RAB11FIP5: variants seen among roughly 807,000 people sequenced by gnomAD.
RAB11FIP5 encodes the protein RAB11 family interacting protein 5, also known as rab11 family-interacting protein 5.
A neutral mutation model predicts 85.1 loss-of-function variants in RAB11FIP5; 48 were observed. The ratio of observed to expected loss-of-function variants is 0.56; its 90% CI spans 0.45 to 0.72. The LOEUF (loss-of-function observed/expected upper bound fraction) is 0.72, where lower values mean the gene tolerates loss of function less well. Among genes scored for constraint, RAB11FIP5 ranks in the 30% least tolerant of loss-of-function variants. The pLI is 0.00. For synonymous variants in RAB11FIP5, 729 were observed against 727.3 expected (o/e 1.00, Z -0.04); for missense variants, 1,491 against 1,687.0 (o/e 0.88, Z 2.04).
intron 1 of RAB11FIP5, among the ~76,000 whole-genome samples, chr2:73,109,267 C>T (rs1684596490): frequency 6.6e-6 from 1 of 152,142 alleles, no homozygotes; most frequent in African/African-American, 2.4e-5. Flanking sequence ...TCAAAGACTG[C>T]CCCACTCACA....
rs551784219 is a variant in RAB11FIP5, at chr2:73,105,746, G to A, written c.431+6601C>T. On this transcript the variant is annotated intron_variant, in intron 1 of 5. Transcript: ENST00000486777. ...CCCGAGATCCATGTCAAGGAGAAGA[G>A]AGGAAGCCTTGGCAGGCAGCAGCTG... Among the ~76,000 whole-genome samples, 54 of 152,162 alleles carry A rather than the reference G, an allele frequency of 3.5e-4. 1 individual carries two copies. The South Asian group carries it at 0.011, about 32-fold the overall frequency.
rs1683821951 is a variant in RAB11FIP5 at position 73,074,859 on chromosome 2, AGG to A, written c.*660_*661del. ...CACTCGTGGAAAGGTCAGAGGGGTC[AGG>A]GAGCAGCCTGAAGCACACACATCAT... is the stretch of plus-strand genomic sequence containing the variant. On this transcript the variant is annotated 3_prime_UTR_variant, in exon 6 of 6. Coordinates refer to ENST00000486777, the MANE Select transcript of RAB11FIP5 (RefSeq NM_001371272.1). The A allele has an allele frequency of 3.8e-6, 1 of 265,034 alleles. No individual in the cohort carries two copies. Among genetic ancestry groups the A allele is most frequent in the Non-Finnish European group, 7.5e-6 (1 of 133,866 alleles). The allele number at this position is 265,034 out of a possible 1,614,324, so 16.4% of individuals were successfully genotyped here. A position where few individuals can be genotyped will look rare whatever the true frequency, so the allele number is the denominator to read the frequency against.
At chr2:73,109,733 A>C (rs558860088) in intron 1 of RAB11FIP5, among the ~76,000 whole-genome samples, 6 of 152,122 alleles carry the variant, frequency 3.9e-5, no homozygotes, top group African/African-American at 1.4e-4. Flanking sequence ...GGGCCAGCTC[A>C]TTTTGTTGGG....
intron 3 of RAB11FIP5, among the ~76,000 whole-genome samples, chr2:73,087,665 A>C (rs909877584): frequency 4.7e-4 from 71 of 152,186 alleles, no homozygotes; most frequent in Admixed American, 4.6e-3. Flanking sequence ...TCCAGTCCTC[A>C]TCTCTCTACC....
chr2:73,104,852 C>A (rs1684493513), intron 1 of RAB11FIP5, among the ~76,000 whole-genome samples: 1 of 152,160 alleles, frequency 6.6e-6, no homozygotes, highest in African/African-American at 2.4e-5. Context: ...TTATATGCTG[C>A]TTTGTAGAGG....
At chr2:73,088,799 C>T in intron 2 of RAB11FIP5, 50 bp from the exon 3 acceptor site, 2 of 1,538,320 alleles carry the variant, frequency 1.3e-6, no homozygotes, top group Non-Finnish European at 8.7e-7. Flanking sequence ...GGCCCCATTT[C>T]CTGGCCCCAG....
intron 1 of RAB11FIP5, among the ~76,000 whole-genome samples, chr2:73,090,558 T>C (rs1004087531): frequency 1.3e-5 from 2 of 152,230 alleles, no homozygotes; most frequent in African/African-American, 2.4e-5. Context: ...AATGGAATAC[T>C]ACTTAATGAT....
rs1425618768 is a variant in RAB11FIP5 at position 73,081,737 on chromosome 2, A to G, written c.1569-74T>C. ...GAAAGGCCCCTGAGTCCCACGCCCC[A>G]CCCCCTGCTTCGGGACCAGGGGCCA... On this transcript the variant is annotated intron_variant, in intron 3 of 5. Coordinates refer to ENST00000486777, the MANE Select transcript of RAB11FIP5 (RefSeq NM_001371272.1). This position sits in a 1 kb window ranked among gnomAD's most constrained non-coding sequence, Gnocchi z 4.2. 8.4e-7 allele frequency: 1 copy of G among 1,191,134 alleles called. No homozygotes were observed. The highest frequency in any genetic ancestry group is 1.1e-6 in the Non-Finnish European group (1 of 951,310). 73.8% of individuals were successfully genotyped at this position (1,191,134 alleles called of 1,614,324 possible).
Position 73,081,775 on chromosome 2 carries a change from A to G in RAB11FIP5, c.1569-112T>C, listed in dbSNP as rs1020111525. ...GGACCAGGGGCCATAACACACACAT[A>G]GGCTGGATTTACCTACTTGGGCCAG... is the stretch of plus-strand genomic sequence containing the variant. On this transcript the variant is annotated intron_variant, in intron 3 of 5. Transcript: ENST00000486777. The surrounding 1 kb of genome is among the most constrained non-coding windows in gnomAD (Gnocchi z 4.2). 26 of 1,040,296 alleles carry G rather than the reference A, an allele frequency of 2.5e-5. 1 individual carries two copies. Among genetic ancestry groups the G allele is most frequent in the Non-Finnish European group, 3.2e-5 (26 of 814,080 alleles). 64.4% of individuals were successfully genotyped at this position (1,040,296 alleles called of 1,614,324 possible).
chr2:73,107,184 C>T (rs1684544958), intron 1 of RAB11FIP5, among the ~76,000 whole-genome samples: 1 of 152,168 alleles, frequency 6.6e-6, no homozygotes, highest in Admixed American at 6.5e-5. Context: ...TGGGGAAGAA[C>T]AAAACTGCTT....
Position 73,088,463 on chromosome 2 carries a change from G to A in RAB11FIP5, c.1155C>T (p.Asp385=), listed in dbSNP as rs1274947386. 6.2e-7 allele frequency: 1 copy of A among 1,613,968 alleles called. No homozygotes were observed. The highest frequency in any genetic ancestry group is 8.5e-7 in the Non-Finnish European group (1 of 1,180,052). ...FSEEGPRSTD[D]TWPRGSRSNS... ...TGCTACGACTGCCTCTGGGCCAGGT[G>A]TCATCTGTGGAACGAGGCCCCTCCT... The change falls in exon 3 of 6, where the codon GAC becomes GAT. Residue 385 remains aspartate, a synonymous_variant. Coordinates refer to ENST00000486777, the MANE Select transcript of RAB11FIP5 (RefSeq NM_001371272.1).
intron 1 of RAB11FIP5, among the ~76,000 whole-genome samples, chr2:73,105,646 C>G (rs1199529751): frequency 6.6e-6 from 1 of 151,968 alleles, no homozygotes; most frequent in African/African-American, 2.4e-5. Flanking sequence ...AGCTGCAGAC[C>G]AAATGTGCTT....
intron 1 of RAB11FIP5, among the ~76,000 whole-genome samples, chr2:73,111,668 C>A (rs1487598906): frequency 6.6e-6 from 1 of 152,226 alleles, no homozygotes; most frequent in African/African-American, 2.4e-5. Context: ...CAGGGCAGGG[C>A]AGGCAGGCAG....
intron 1 of RAB11FIP5, among the ~76,000 whole-genome samples, chr2:73,101,621 G>A (rs909335550): frequency 1.3e-5 from 2 of 152,134 alleles, no homozygotes; most frequent in East Asian, 1.9e-4. Context: ...AGGTCAGAGC[G>A]TGTCTTGGGC....
chr2:73,103,718 G>A (rs1355694239), intron 1 of RAB11FIP5, among the ~76,000 whole-genome samples: 1 of 152,144 alleles, frequency 6.6e-6, no homozygotes, highest in Non-Finnish European at 1.5e-5. Flanking sequence ...AGAAAGATGT[G>A]GGTTTATTGT....
chr2:73,096,752 G>T (rs1282074430), intron 1 of RAB11FIP5, among the ~76,000 whole-genome samples: 2 of 152,164 alleles, frequency 1.3e-5, no homozygotes, highest in Non-Finnish European at 2.9e-5. Flanking sequence ...GCAAAGACGT[G>T]AAGTGGGAGC....
chr2:73,091,386 C>T (rs1684206760), intron 1 of RAB11FIP5, among the ~76,000 whole-genome samples: 2 of 152,158 alleles, frequency 1.3e-5, no homozygotes, highest in African/African-American at 4.8e-5. Context: ...GAATAAAGCC[C>T]GGTGGTAGTG....
In RAB11FIP5 at chr2:73,088,538, G is replaced by T. The variant is rs1477977283; in HGVS notation, c.1080C>A (p.Gly360=). The change falls in exon 3 of 6, where the codon GGC becomes GGA. Residue 360 remains glycine, a synonymous_variant. Coordinates refer to ENST00000486777, the MANE Select transcript of RAB11FIP5 (RefSeq NM_001371272.1). ...GPVRHRSSIS[G]SLPSSGSLQA... The stretch of plus-strand genomic sequence containing the variant: ...GCAAGGAGCCAGAGGATGGAAGCGA[G>T]CCCGAGATGGAGCTGCGGTGCCGCA... 6.2e-7 allele frequency: 1 copy of T among 1,613,942 alleles called. No individual in the cohort carries two copies. Among genetic ancestry groups the T allele is most frequent in the South Asian group, 1.1e-5 (1 of 91,090 alleles).
At position 73,081,193 on chromosome 2, in the gene RAB11FIP5, C is replaced by T. The variant is rs1683971307; in HGVS notation, c.2039G>A (p.Gly680Glu). Reference sequence around the variant, plus strand: ...GGCCCCAGGGCCTGGGTCTTGCAGCCCTGCCGCCTCCAGCCCCACTCCTGC... The same window carrying T: ...GGCCCCAGGGCCTGGGTCTTGCAGCTCTGCCGCCTCCAGCCCCACTCCTGC... Reference protein sequence around the residue: ...APAGVGLEAAGLQDPGPGAMT... With the variant: ...APAGVGLEAAELQDPGPGAMT... Residue 680 changes from glycine to glutamate, a missense_variant, in exon 4 of 6, where the codon GGG becomes GAG. Physicochemically the swap from Gly to Glu is moderately conservative, Grantham distance 98. This residue lies in a region of RAB11FIP5 where 1,211 missense variants were observed against 1,338.0 expected (regional missense o/e 0.91). Coordinates refer to ENST00000486777, the MANE Select transcript of RAB11FIP5 (RefSeq NM_001371272.1). The surrounding 1 kb of genome is among the most constrained non-coding windows in gnomAD (Gnocchi z 4.2). 2 of 1,232,182 alleles carry T rather than the reference C, an allele frequency of 1.6e-6. No homozygotes were observed. Among genetic ancestry groups the T allele is most frequent in the South Asian group, 8.2e-5 (2 of 24,334 alleles). The allele number at this position is 1,232,182 out of a possible 1,614,324, so 76.3% of individuals were successfully genotyped here.
Sources: gnomAD v4.1 joint callset for allele counts (sites outside exome capture counted in the v4.1 genomes callset) on GRCh38, gnomAD v4.1.1 for gene constraint, gnomAD v4.1.1 regional missense constraint, Gnocchi (gnomAD v3.1) non-coding constraint, MANE v1.5 for transcripts, NCBI Gene and HGNC (gene_info 2026-07-23, HGNC 2026-07-21) for gene names.